The following NOP58 variants were observed in gnomAD, a reference collection of about 807,000 sequenced individuals.
NOP58 encodes the protein nucleolar protein 58.
NOP58 carries 44 observed loss-of-function variants against 71.2 expected under a neutral mutation model. The ratio of observed to expected loss-of-function variants is 0.62; its 90% confidence interval spans 0.49 to 0.79. The LOEUF is 0.79. NOP58 is among the 30% of genes least tolerant of loss of function. The pLI is 0.00. For synonymous variants in NOP58, 228 were observed against 200.3 expected (o/e 1.14, Z -1.17); for missense variants, 538 against 620.2 (o/e 0.87, Z 1.41).
intron 14 of NOP58, 59 bp downstream of exon 14, chr2:202,303,116 T>C: frequency 6.5e-7 from 1 of 1,535,590 alleles, no homozygotes; most frequent in East Asian, 2.3e-5. Context: ...TATATTTCAA[T>C]CTATTTTCTA....
chr2:202,299,015 A>C (rs1689043549), intron 12 of NOP58, among the ~76,000 whole-genome samples: 1 of 123,960 alleles, frequency 8.1e-6, no homozygotes, highest in Non-Finnish European at 1.6e-5. Flanking sequence ...GCTGGAGTGC[A>C]GTGGCACGAT....
intron 7 of NOP58, 58 bp downstream of exon 7, chr2:202,290,515 A>G (rs1688868678): frequency 6.9e-7 from 1 of 1,439,844 alleles, no homozygotes. Flanking sequence ...ATTGCATCCT[A>G]AAACATGACG....
At position 202,295,839 on chromosome 2, in the gene NOP58, T is replaced by G; in HGVS notation, c.1071+2T>G. On this transcript the variant is annotated splice_donor_variant, in intron 10 of 14. Coordinates refer to ENST00000264279, the MANE Select transcript of NOP58 (RefSeq NM_015934.5). LOFTEE classifies it high-confidence loss of function. Reference sequence around the variant, plus strand: ...ACAAGTCCCAAACACAAAGGAAAGGTGTGTTATAGGGTTTTGCTTTGTTTT... The same window carrying G: ...ACAAGTCCCAAACACAAAGGAAAGGGGTGTTATAGGGTTTTGCTTTGTTTT... The G allele has an allele frequency of 6.4e-7, 1 of 1,567,572 alleles. No individual in the cohort carries two copies. The highest frequency in any genetic ancestry group is 8.6e-7 in the Non-Finnish European group (1 of 1,161,422).
At chr2:202,278,244 G>A (rs762914322) in intron 3 of NOP58, 20 of 601,482 alleles carry the variant, frequency 3.3e-5, no homozygotes, top group Non-Finnish European at 5.8e-5. Context: ...GGAGAGGTGA[G>A]AAGTGGTTAA....
At chr2:202,282,588 TTTCTC>T in intron 4 of NOP58, 116 bp downstream of exon 4, 1 of 1,030,158 alleles carries the variant, frequency 9.7e-7, no homozygotes, top group South Asian at 1.9e-5. Context: ...ATTTTTTTCT[TTTCTC>T]TAAGCTACAT....
intron 1 of NOP58, among the ~76,000 whole-genome samples, chr2:202,266,817 AGATT>A (rs1688425025): frequency 6.6e-6 from 1 of 152,238 alleles, no homozygotes; most frequent in African/African-American, 2.4e-5. Flanking sequence ...ACTGGCTAAT[AGATT>A]GAATGTGGGG....
At chr2:202,267,759 G>C (rs947422209) in intron 1 of NOP58, among the ~76,000 whole-genome samples, 1 of 152,100 alleles carries the variant, frequency 6.6e-6, no homozygotes, top group Admixed American at 6.6e-5. Flanking sequence ...GCTTATCAAT[G>C]GTCGGATTTC....
chr2:202,274,109 A>G (rs1045033914), intron 1 of NOP58, among the ~76,000 whole-genome samples: 2 of 152,344 alleles, frequency 1.3e-5, no homozygotes, highest in Non-Finnish European at 2.9e-5. Context: ...TCACATCTAG[A>G]TGTGTCTCAC....
rs193207461 is a variant in NOP58, at chr2:202,278,033, T to G, written c.175+31T>G. The G allele has an allele frequency of 1.5e-3, 2,040 of 1,378,588 alleles. 21 individuals are homozygous for G. The African/African-American group carries it at 0.025, about 17-fold the overall frequency. 85.4% of individuals were successfully genotyped at this position (1,378,588 alleles called of 1,614,324 possible). ...GTAAAAAATTAGAAGCTTGCTTTTT[T>G]GAAAAAATTAAGTCTTAGCCGTTTG... On this transcript the variant is annotated intron_variant, in intron 3 of 14. Coordinates refer to ENST00000264279, the MANE Select transcript of NOP58 (RefSeq NM_015934.5).
At chr2:202,266,087 C>CT in intron 1 of NOP58, 101 bp downstream of exon 1, 1 of 1,355,674 alleles carries the variant, frequency 7.4e-7, no homozygotes, top group African/African-American at 1.4e-5. Flanking sequence ...GCGTGGGTGC[C>CT]TGTTATAGCC....
chr2:202,274,796 C>G (rs998134920), intron 1 of NOP58, among the ~76,000 whole-genome samples: 1 of 152,040 alleles, frequency 6.6e-6, no homozygotes, highest in Non-Finnish European at 1.5e-5. Context: ...TGCCCTACCC[C>G]CTAGGACCCC....
chr2:202,268,441 G>A (rs909255509), intron 1 of NOP58, among the ~76,000 whole-genome samples: 2 of 151,378 alleles, frequency 1.3e-5, no homozygotes, highest in South Asian at 2.1e-4. Flanking sequence ...AGGCTGAGGC[G>A]GGAGCATTGC....
intron 9 of NOP58, among the ~76,000 whole-genome samples, chr2:202,295,071 A>T (rs1019258547): frequency 1.3e-5 from 2 of 152,112 alleles, no homozygotes; most frequent in African/African-American, 4.8e-5. Context: ...ACTAATGGGT[A>T]GATAGAGATG....
chr2:202,268,226 A>G (rs1688449266), intron 1 of NOP58, among the ~76,000 whole-genome samples: 1 of 152,158 alleles, frequency 6.6e-6, no homozygotes, highest in South Asian at 2.1e-4. Context: ...AATCTTTCAA[A>G]ATGCTAGGGT....
At chr2:202,298,153 A>G (rs1211091011) in intron 12 of NOP58, among the ~76,000 whole-genome samples, 1 of 152,196 alleles carries the variant, frequency 6.6e-6, no homozygotes, top group Non-Finnish European at 1.5e-5. Context: ...ACACCTTAAA[A>G]TCTACTTAGC....
chr2:202,275,019 C>A, intron 1 of NOP58, 94 bp from the exon 2 acceptor site: 2 of 627,932 alleles, frequency 3.2e-6, no homozygotes, highest in Admixed American at 3.4e-5. Flanking sequence ...GCTTCTACAC[C>A]TTCATTTTAC....
Position 202,291,270 on chromosome 2 carries a change from G to A in NOP58, c.780G>A (p.Gln260=), listed in dbSNP as rs1574385566. The stretch of plus-strand genomic sequence containing the variant: ...GCAATATTCTGCATCTTTGCACCCA[G>A]GTAAATTTTACTCCTGGAGAATCTA... ...DICNILHLCT[Q]VIEISEYRTQ... Residue 260 remains glutamine, a splice_region_variant and synonymous_variant, in exon 8 of 15, where the codon CAG becomes CAA. Coordinates refer to ENST00000264279, the MANE Select transcript of NOP58 (RefSeq NM_015934.5). The A allele has an allele frequency of 6.3e-7, 1 of 1,597,516 alleles. No individual in the cohort carries two copies. The highest frequency in any genetic ancestry group is 8.5e-7 in the Non-Finnish European group (1 of 1,174,736).
chr2:202,286,215 T>C (rs1365256907), intron 5 of NOP58, among the ~76,000 whole-genome samples: 1 of 132,336 alleles, frequency 7.6e-6, no homozygotes, highest in Non-Finnish European at 1.6e-5. Context: ...AAAGAAACAC[T>C]ATAGGCCAGG....
In NOP58 at chr2:202,283,509, T is replaced by TGGCTC. The variant is rs1280223281; in HGVS notation, c.298-835_298-831dup. ...AGGCTGAAGTGCATTGGCTCAGTCT[T>TGGCTC]GGCTCACTGCAACCTCCGCCTCCTG... is the stretch of plus-strand genomic sequence containing the variant. On this transcript the variant is annotated intron_variant, in intron 4 of 14. Coordinates refer to ENST00000264279, the MANE Select transcript of NOP58 (RefSeq NM_015934.5). Among the ~76,000 whole-genome samples the TGGCTC allele has an allele frequency of 2.0e-4, 31 of 151,278 alleles. No individual in the cohort carries two copies. In the East Asian group the frequency reaches 6.1e-3, roughly 30 times the overall value.
Sources: allele counts gnomAD v4.1 joint callset (sites outside exome capture counted in the v4.1 genomes callset), GRCh38; gene constraint gnomAD v4.1.1; transcripts MANE v1.5; gene names NCBI Gene and HGNC (gene_info 2026-07-23, HGNC 2026-07-21).